SKIL: variants seen among roughly 807,000 people sequenced by gnomAD.
SKIL encodes SKI like proto-oncogene.
A neutral mutation model predicts 69.6 loss-of-function variants in SKIL; 20 were observed. That is an observed-to-expected ratio of 0.29 (90% CI 0.20 to 0.42). The LOEUF (loss-of-function observed/expected upper bound fraction) is 0.42, where lower values mean the gene tolerates loss of function less well. SKIL is among the 10% of genes least tolerant of loss of function. The probability of loss-of-function intolerance (pLI) is 1.00; values close to 1 mark genes in which losing one functional copy is unlikely to be tolerated. For missense variants in SKIL, 745 were observed against 783.1 expected (o/e 0.95, Z 0.58); for synonymous variants, 310 against 279.9 (o/e 1.11, Z -1.08).
rs1466356596 is a variant in SKIL at position 170,360,803 on chromosome 3, C to G, written c.472C>G (p.Gln158Glu). ...VLEGESISCFQVGGEKRLCLP... is the reference protein window; with the variant it reads ...VLEGESISCFEVGGEKRLCLP... Reference sequence around the variant, plus strand: ...GGAAGGGGAATCTATTTCTTGTTTTCAAGTTGGAGGAGAAAAGAGACTCTG... The same window carrying G: ...GGAAGGGGAATCTATTTCTTGTTTTGAAGTTGGAGGAGAAAAGAGACTCTG... The change falls in exon 2 of 7, where the codon CAA becomes GAA. Residue 158 changes from glutamine to glutamate, a missense_variant. Gln to Glu is a conservative substitution (Grantham distance 29). Coordinates refer to ENST00000259119, the MANE Select transcript of SKIL (RefSeq NM_005414.5). 3 of 1,614,150 alleles carry G rather than the reference C, an allele frequency of 1.9e-6. No individual in the cohort carries two copies. Among genetic ancestry groups the G allele is most frequent in the Non-Finnish European group, 1.7e-6 (2 of 1,180,036 alleles).
At position 170,377,696 on chromosome 3, in the gene SKIL, C is replaced by CT. The variant is rs200481136; in HGVS notation, c.1099-3547dup. ...CCTGAGTAGCTGGGATTACAGGCGC[C>CT]TGCTGCCGCACCCGACTAATTTTTT... On this transcript the variant is annotated intron_variant, in intron 2 of 6. Transcript: ENST00000259119. 4.1e-3 allele frequency among the ~76,000 whole-genome samples: 601 copies of CT among 145,892 alleles called. 9 individuals carry two copies. Among genetic ancestry groups the CT allele is most frequent in the Admixed American group, 0.023 (340 of 14,626 alleles).
chr3:170,362,800 G>GT (rs892189692), intron 2 of SKIL, among the ~76,000 whole-genome samples: 2 of 148,538 alleles, frequency 1.3e-5, no homozygotes, highest in Non-Finnish European at 3.0e-5. Flanking sequence ...GGGCGTCAGA[G>GT]TAAGACTCCA....
intron 2 of SKIL, among the ~76,000 whole-genome samples, chr3:170,372,422 T>C (rs1736838665): frequency 6.6e-6 from 1 of 152,236 alleles, no homozygotes; most frequent in African/African-American, 2.4e-5. Flanking sequence ...TTAGTGCAGA[T>C]GCTTAGATCA....
Position 170,360,157 on chromosome 3 carries a change from T to G in SKIL, c.-175T>G, listed in dbSNP as rs1736150048. ...TTTGTAGTGAAATTATACCAGATTA[T>G]AAGGAGAACCAAAACTAAGTCGCAA... On this transcript the variant is annotated 5_prime_UTR_variant, in exon 2 of 7. Transcript: ENST00000259119. 3.5e-6 allele frequency: 2 copies of G among 574,456 alleles called. No individual in the cohort carries two copies. The highest frequency in any genetic ancestry group is 3.6e-5 in the Admixed American group (1 of 27,786). 35.6% of individuals were successfully genotyped at this position (574,456 alleles called of 1,614,324 possible). A position where few individuals can be genotyped will look rare whatever the true frequency, so the allele number is the denominator to read the frequency against.
Position 170,360,703 on chromosome 3 carries a change from T to A in SKIL, c.372T>A (p.Leu124=). The A allele has an allele frequency of 6.2e-7, 1 of 1,614,210 alleles. No homozygotes were observed. Among genetic ancestry groups the A allele is most frequent in the Admixed American group, 1.7e-5 (1 of 60,026 alleles). ...ESMSPTVFLP[L]PSPQVLPGPL... Reference sequence around the variant, plus strand: ...TGTCGCCTACTGTATTTCTGCCTCTTCCATCACCTCAGGTTCTTCCTGGCC... The same window carrying A: ...TGTCGCCTACTGTATTTCTGCCTCTACCATCACCTCAGGTTCTTCCTGGCC... The change falls in exon 2 of 7, where the codon CTT becomes CTA. Residue 124 remains leucine (L), a synonymous_variant. Transcript: ENST00000259119.
Position 170,396,373 on chromosome 3 carries a change from C to G in SKIL, c.*3956C>G, listed in dbSNP as rs761716516. 3 of 152,112 alleles carry G rather than the reference C, an allele frequency of 2.0e-5. No individual in the cohort carries two copies. The highest frequency in any genetic ancestry group is 2.9e-5 in the Non-Finnish European group (2 of 67,994). 9.4% of individuals were successfully genotyped at this position (152,112 alleles called of 1,614,324 possible). Reference sequence around the variant, plus strand: ...AGAAATAAAATTTTACTTGTTTTTACTATCCTGTTAGAAGTATTTGTTTAT... The same window carrying G: ...AGAAATAAAATTTTACTTGTTTTTAGTATCCTGTTAGAAGTATTTGTTTAT... On this transcript the variant is annotated 3_prime_UTR_variant, in exon 7 of 7. Transcript: ENST00000259119.
chr3:170,365,636 A>G (rs1046088379), intron 2 of SKIL, among the ~76,000 whole-genome samples: 1 of 152,122 alleles, frequency 6.6e-6, no homozygotes, highest in African/African-American at 2.4e-5. Flanking sequence ...TTTAACTGAG[A>G]ATGAGATAGT....
intron 2 of SKIL, among the ~76,000 whole-genome samples, chr3:170,370,929 G>C (rs1218965764): frequency 1.3e-5 from 2 of 152,040 alleles, no homozygotes; most frequent in African/African-American, 4.8e-5. Context: ...TTGGGCAACA[G>C]AGCAAGACCC....
At chr3:170,387,802 C>T (rs1474933136) in intron 4 of SKIL, among the ~76,000 whole-genome samples, 90 of 135,584 alleles carry the variant, frequency 6.6e-4, no homozygotes, top group African/African-American at 2.1e-3. Flanking sequence ...GGCGTAGTGG[C>T]GGGCGCCTGT....
intron 2 of SKIL, among the ~76,000 whole-genome samples, chr3:170,379,969 G>C (rs1020018400): frequency 6.6e-6 from 1 of 152,066 alleles, no homozygotes; most frequent in African/African-American, 2.4e-5. Flanking sequence ...AACGTCAGTT[G>C]TTTTCTCATC....
intron 2 of SKIL, among the ~76,000 whole-genome samples, chr3:170,380,369 T>C (rs1175026323): frequency 1.3e-5 from 2 of 152,114 alleles, no homozygotes; most frequent in African/African-American, 2.4e-5. Context: ...CTGGCCAGGC[T>C]CAGTGGCTCA....
chr3:170,396,792 AT>A lies in SKIL; in HGVS notation c.*4377del, dbSNP rs1254928595. 1.3e-5 allele frequency: 2 copies of A among 152,194 alleles called. No individual in the cohort carries two copies. Among genetic ancestry groups the A allele is most frequent in the African/African-American group, 4.8e-5 (2 of 41,448 alleles). 9.4% of individuals were successfully genotyped at this position (152,194 alleles called of 1,614,324 possible). On this transcript the variant is annotated 3_prime_UTR_variant, in exon 7 of 7. Coordinates refer to ENST00000259119, the MANE Select transcript of SKIL (RefSeq NM_005414.5). ...CATGCCTTGTAAATAACTTGTATAGATTGTGGATCAAATACTAAATAAAAAC... is the reference window on the plus strand; with the variant it reads ...CATGCCTTGTAAATAACTTGTATAGATGTGGATCAAATACTAAATAAAAAC...
rs1352258841 is a variant in SKIL, at chr3:170,396,398, TC to T, written c.*3983del. 2 of 152,208 alleles carry T rather than the reference TC, an allele frequency of 1.3e-5. No individual in the cohort carries two copies. The allele number at this position is 152,208 out of a possible 1,614,324, so 9.4% of individuals were successfully genotyped here. A position where few individuals can be genotyped will look rare whatever the true frequency, so the allele number is the denominator to read the frequency against. On this transcript the variant is annotated 3_prime_UTR_variant, in exon 7 of 7. Transcript: ENST00000259119. ...CTATCCTGTTAGAAGTATTTGTTTA[TC>T]CTGATAATTTTAAGCCAACATAGTA...
At chr3:170,374,269 A>C (rs62295839) in intron 2 of SKIL, among the ~76,000 whole-genome samples, 24,359 of 152,012 alleles carry the variant, frequency 0.16, 2,459 homozygotes, top group Middle Eastern at 0.27. Flanking sequence ...CCTAAGAGGA[A>C]AGAACCTTTG....
intron 2 of SKIL, among the ~76,000 whole-genome samples, chr3:170,369,598 C>T (rs1370906953): frequency 6.6e-6 from 1 of 152,064 alleles, no homozygotes; most frequent in Non-Finnish European, 1.5e-5. Context: ...GATGTGGTTT[C>T]ACCATATTGG....
intron 3 of SKIL, among the ~76,000 whole-genome samples, chr3:170,382,811 C>G (rs374530487): frequency 3.6e-4 from 54 of 151,574 alleles, no homozygotes; most frequent in African/African-American, 1.2e-3. Flanking sequence ...CTCCGCCTCC[C>G]GGGTTCAAGC....
chr3:170,368,713 C>T (rs1040696428), intron 2 of SKIL, among the ~76,000 whole-genome samples: 6 of 152,084 alleles, frequency 3.9e-5, no homozygotes, highest in Non-Finnish European at 7.4e-5. Flanking sequence ...AAATGTATCT[C>T]ATTTATAGTT....
chr3:170,361,076 A>G lies in SKIL; in HGVS notation c.745A>G (p.Lys249Glu). Residue 249 changes from lysine to glutamate, a missense_variant, in exon 2 of 7, where the codon AAA becomes GAA. Physicochemically the swap from Lys to Glu is moderately conservative, Grantham distance 56. Coordinates refer to ENST00000259119, the MANE Select transcript of SKIL (RefSeq NM_005414.5). ...FPQNGSVLPA[K>E]SSLAQLKETG... ...TCAAAATGGTAGCGTACTTCCTGCT[A>G]AAAGCTCATTGGCCCAGTTAAAGGA... is the stretch of plus-strand genomic sequence containing the variant. The G allele has an allele frequency of 1.2e-6, 2 of 1,614,264 alleles. No individual in the cohort carries two copies. The highest frequency in any genetic ancestry group is 8.5e-7 in the Non-Finnish European group (1 of 1,180,050).
intron 3 of SKIL, among the ~76,000 whole-genome samples, chr3:170,382,128 T>C (rs985144456): frequency 1.3e-5 from 2 of 152,006 alleles, no homozygotes; most frequent in African/African-American, 4.8e-5. Flanking sequence ...AATAAGTACA[T>C]TGGTATTTAA....
Sources: gnomAD v4.1 joint callset for allele counts (sites outside exome capture counted in the v4.1 genomes callset) on GRCh38, gnomAD v4.1.1 for gene constraint, MANE v1.5 for transcripts, NCBI Gene and HGNC (gene_info 2026-07-23, HGNC 2026-07-21) for gene names.